ELMO1: variants seen among roughly 807,000 people sequenced by gnomAD.
ELMO1 encodes engulfment and cell motility 1, also known as engulfment and cell motility protein 1.
ELMO1 carries 26 observed loss-of-function variants against 98.9 expected under a neutral mutation model. The ratio of observed to expected loss-of-function variants is 0.26; its 90% CI spans 0.19 to 0.36. ELMO1 has a LOEUF of 0.36. ELMO1 is among the 10% of genes least tolerant of loss of function. ELMO1 has a pLI of 1.00. For synonymous variants in ELMO1, 346 were observed against 346.0 expected (o/e 1.00, Z 0.00); for missense variants, 627 against 935.2 (o/e 0.67, Z 4.30).
chr7:37,279,149 C>T (rs1390554496), intron 4 of ELMO1, among the ~76,000 whole-genome samples: 1 of 152,110 alleles, frequency 6.6e-6, no homozygotes, highest in African/African-American at 2.4e-5. Flanking sequence ...TTGCAGTGAG[C>T]CGAGATCACG....
intron 21 of ELMO1, among the ~76,000 whole-genome samples, chr7:36,856,137 TA>T (rs1802180805): frequency 6.6e-6 from 1 of 152,212 alleles, no homozygotes; most frequent in Non-Finnish European, 1.5e-5. Context: ...TGGTGGAATC[TA>T]CCGAACAGCC....
intron 14 of ELMO1, among the ~76,000 whole-genome samples, chr7:37,131,765 C>G (rs1786936707): frequency 6.6e-6 from 1 of 152,130 alleles, no homozygotes; most frequent in South Asian, 2.1e-4. Flanking sequence ...ACACCTGATC[C>G]CAAACCTTTC....
At chr7:36,892,133 A>T (rs1805606953) in intron 17 of ELMO1, among the ~76,000 whole-genome samples, 1 of 152,192 alleles carries the variant, frequency 6.6e-6, no homozygotes, top group Non-Finnish European at 1.5e-5. Flanking sequence ...TCAGAAAACG[A>T]CCATTTTATA....
chr7:36,935,302 A>C (rs1434652485), intron 16 of ELMO1, among the ~76,000 whole-genome samples: 4 of 152,198 alleles, frequency 2.6e-5, no homozygotes, highest in Admixed American at 6.5e-5. Flanking sequence ...CTCCCCAGCC[A>C]TGTGGAACTG....
At chr7:37,392,573 C>G (rs1803127517) in intron 1 of ELMO1, among the ~76,000 whole-genome samples, 1 of 152,148 alleles carries the variant, frequency 6.6e-6, no homozygotes, top group Admixed American at 6.5e-5. Flanking sequence ...GAGGGCAGCC[C>G]CACTCTAGCC....
chr7:37,415,640 G>A (rs768644418), intron 1 of ELMO1, among the ~76,000 whole-genome samples: 1 of 152,148 alleles, frequency 6.6e-6, no homozygotes, highest in Non-Finnish European at 1.5e-5. Context: ...TACAACAGAT[G>A]TTTCTTGCTG....
intron 2 of ELMO1, among the ~76,000 whole-genome samples, chr7:37,339,988 G>A (rs563811763): frequency 1.5e-3 from 225 of 152,222 alleles, no homozygotes; most frequent in African/African-American, 5.0e-3. Context: ...TAGCTGTCCT[G>A]TACTCTACAA....
At chr7:37,085,162 C>A (rs1254942974) in intron 15 of ELMO1, among the ~76,000 whole-genome samples, 2 of 152,124 alleles carry the variant, frequency 1.3e-5, no homozygotes, top group Admixed American at 1.3e-4. Context: ...ATCTTTACAA[C>A]CAAAGGCTCC....
intron 16 of ELMO1, among the ~76,000 whole-genome samples, chr7:36,923,936 C>A (rs564168534): frequency 6.6e-6 from 1 of 152,062 alleles, no homozygotes; most frequent in African/African-American, 2.4e-5. Context: ...GTGTGGAACA[C>A]AAACAGTGAG....
At chr7:37,396,989 A>C (rs920673256) in intron 1 of ELMO1, among the ~76,000 whole-genome samples, 10 of 152,244 alleles carry the variant, frequency 6.6e-5, no homozygotes, top group Non-Finnish European at 1.0e-4. Flanking sequence ...TATGTTATAA[A>C]GGACTACCTG....
intron 15 of ELMO1, among the ~76,000 whole-genome samples, chr7:37,048,833 A>G (rs964611139): frequency 6.6e-6 from 1 of 152,176 alleles, no homozygotes; most frequent in African/African-American, 2.4e-5. Context: ...ACCTATTTGG[A>G]TAGTTAAAGT....
In ELMO1 at chr7:36,869,903, C is replaced by T. The variant is rs563143473; in HGVS notation, c.1905+490G>A. Among the ~76,000 whole-genome samples the T allele has an allele frequency of 2.0e-5, 3 of 152,258 alleles. No homozygotes were observed. In the East Asian group the frequency reaches 5.8e-4, roughly 29 times the overall value. ...TCCACAATGCTGAAGGGTATCAGGC[C>T]TTTAAAGTTTTCTAAGATTCTTTGA... On this transcript the variant is annotated intron_variant, in intron 20 of 21. Coordinates refer to ENST00000310758, the MANE Select transcript of ELMO1 (RefSeq NM_014800.11).
At chr7:37,371,803 T>G (rs1382050594) in intron 1 of ELMO1, among the ~76,000 whole-genome samples, 1 of 152,168 alleles carries the variant, frequency 6.6e-6, no homozygotes, top group African/African-American at 2.4e-5. Context: ...CTCTTCTCAC[T>G]CATCCCCTGC....
At chr7:37,283,358 T>C (rs1797236229) in intron 4 of ELMO1, among the ~76,000 whole-genome samples, 1 of 152,224 alleles carries the variant, frequency 6.6e-6, no homozygotes, top group Non-Finnish European at 1.5e-5. Context: ...GACACCAAGT[T>C]GCTTGCTTCC....
At chr7:37,059,992 T>C (rs1796584411) in intron 15 of ELMO1, among the ~76,000 whole-genome samples, 1 of 152,228 alleles carries the variant, frequency 6.6e-6, no homozygotes, top group South Asian at 2.1e-4. Context: ...ACAAGATACC[T>C]ACAAGGAAAT....
At chr7:37,335,587 A>G (rs1800358633) in intron 2 of ELMO1, among the ~76,000 whole-genome samples, 1 of 152,204 alleles carries the variant, frequency 6.6e-6, no homozygotes, top group African/African-American at 2.4e-5. Flanking sequence ...ACTTTTTTCA[A>G]ACAAAATCTT....
At chr7:37,203,788 G>A (rs904853600) in intron 13 of ELMO1, among the ~76,000 whole-genome samples, 1 of 152,120 alleles carries the variant, frequency 6.6e-6, no homozygotes, top group Non-Finnish European at 1.5e-5. Flanking sequence ...ACATGCCTTT[G>A]AGAGTTCTGC....
chr7:36,945,630 A>G (rs929086365), intron 16 of ELMO1, among the ~76,000 whole-genome samples: 7 of 152,136 alleles, frequency 4.6e-5, no homozygotes, highest in African/African-American at 1.7e-4. Flanking sequence ...AGCTCCCTGG[A>G]TGGGGTTAAA....
chr7:37,442,736 T>C (rs986663973), intron 1 of ELMO1, among the ~76,000 whole-genome samples: 2 of 152,174 alleles, frequency 1.3e-5, no homozygotes, highest in East Asian at 1.9e-4. Context: ...TTGACATCCC[T>C]GGATACCATG....
Sources: allele counts gnomAD v4.1 joint callset (sites outside exome capture counted in the v4.1 genomes callset), GRCh38; gene constraint gnomAD v4.1.1; transcripts MANE v1.5; gene names NCBI Gene and HGNC (gene_info 2026-07-23, HGNC 2026-07-21).